The following LINGO2 variants were observed in gnomAD, a reference collection of about 807,000 sequenced individuals.
LINGO2 encodes the protein leucine-rich repeat and immunoglobulin-like domain-containing nogo receptor-interacting protein 2.
LINGO2 carries 14 observed loss-of-function variants against 30.6 expected under a neutral mutation model. The ratio of observed to expected loss-of-function variants is 0.46; its 90% CI spans 0.30 to 0.72. LINGO2 has a LOEUF of 0.72. LINGO2 is among the 30% of genes least tolerant of loss of function. LINGO2 has a pLI of 0.07. For synonymous variants in LINGO2, 317 were observed against 288.5 expected (o/e 1.10, Z -1.00); for missense variants, 729 against 751.7 (o/e 0.97, Z 0.35).
At chr9:28,445,633 T>C (rs1446998293) in intron 2 of LINGO2, among the ~76,000 whole-genome samples, 1 of 152,156 alleles carries the variant, frequency 6.6e-6, no homozygotes, top group African/African-American at 2.4e-5. Flanking sequence ...CCATATGCAA[T>C]TACACTTAAA....
At chr9:28,358,773 T>C (rs1183578693) in intron 3 of LINGO2, among the ~76,000 whole-genome samples, 2 of 152,132 alleles carry the variant, frequency 1.3e-5, no homozygotes, top group Non-Finnish European at 2.9e-5. Flanking sequence ...ATTCTACAGG[T>C]CTTATTGTCA....
intron 1 of LINGO2, among the ~76,000 whole-genome samples, chr9:28,558,129 T>G (rs889178342): frequency 2.7e-5 from 4 of 148,116 alleles, no homozygotes; most frequent in Admixed American, 2.7e-4. Flanking sequence ...ACATGTACCC[T>G]AAAACTTAAA....
At chr9:28,586,971 A>G (rs1043582110) in intron 1 of LINGO2, among the ~76,000 whole-genome samples, 4 of 152,100 alleles carry the variant, frequency 2.6e-5, no homozygotes, top group African/African-American at 9.7e-5. Flanking sequence ...AGCTGAACAT[A>G]ACTTTAACCT....
At chr9:28,002,232 CCAA>C (rs1821994373) in intron 5 of LINGO2, among the ~76,000 whole-genome samples, 1 of 151,530 alleles carries the variant, frequency 6.6e-6, no homozygotes, top group Non-Finnish European at 1.5e-5. Context: ...CCGTCAGTGC[CCAA>C]CAAATTAAAT....
chr9:28,314,282 G>GA (rs1418838133), intron 3 of LINGO2, among the ~76,000 whole-genome samples: 1 of 152,130 alleles, frequency 6.6e-6, no homozygotes, highest in African/African-American at 2.4e-5. Context: ...ATTGTGGCAT[G>GA]AAATACTACA....
intron 1 of LINGO2, among the ~76,000 whole-genome samples, chr9:28,545,551 A>T (rs1587834058): frequency 6.6e-6 from 1 of 152,050 alleles, no homozygotes; most frequent in African/African-American, 2.4e-5. Flanking sequence ...ACAATTAAAG[A>T]ATCAGGGGCT....
chr9:28,734,065 T>C, the LINGO2 span, among the ~76,000 whole-genome samples: 1 of 151,308 alleles, frequency 6.6e-6, no homozygotes, highest in Non-Finnish European at 1.5e-5. Context: ...ATGATTTTTT[T>C]CTCTCTCTCT....
rs75551864 is a variant in LINGO2 at position 28,369,989 on chromosome 9, C to T, written c.-246+2847G>A. ...AATGTGTGGTGCTCAAATCTAAACA[C>T]GACACTTTGAGTGTGAAAATATTAA... On this transcript the variant is annotated intron_variant, in intron 3 of 5. Transcript: ENST00000379992. Among the ~76,000 whole-genome samples, 847 of 152,118 alleles carry T rather than the reference C, an allele frequency of 5.6e-3. 4 individuals are homozygous for T. Among genetic ancestry groups the T allele is most frequent in the East Asian group, 0.013 (65 of 5,184 alleles).
intron 3 of LINGO2, among the ~76,000 whole-genome samples, chr9:28,338,014 C>T (rs1043362794): frequency 1.3e-5 from 2 of 152,098 alleles, no homozygotes; most frequent in South Asian, 4.1e-4. Context: ...AATGGTATAT[C>T]CACTGACAGC....
At chr9:28,797,359 T>TATATATATATATATATATAGAG in the LINGO2 span, among the ~76,000 whole-genome samples, 1 of 34,206 alleles carries the variant, frequency 2.9e-5, no homozygotes, top group Non-Finnish European at 5.4e-5. Context: ...TATATATATA[T>TATATATATATATATATATAGAG]AGAGAGAGAG....
the LINGO2 span, among the ~76,000 whole-genome samples, chr9:28,797,585 T>C: frequency 6.6e-6 from 1 of 151,890 alleles, no homozygotes; most frequent in Non-Finnish European, 1.5e-5. Flanking sequence ...AGGTTAGAAT[T>C]GCCATTAATT....
chr9:28,281,337 G>C (rs1381298189), intron 4 of LINGO2, among the ~76,000 whole-genome samples: 1 of 152,020 alleles, frequency 6.6e-6, no homozygotes, highest in Non-Finnish European at 1.5e-5. Context: ...CATTTCTAAA[G>C]TAATAAAGAG....
chr9:27,977,231 G>A (rs1820643316), intron 5 of LINGO2, among the ~76,000 whole-genome samples: 1 of 151,248 alleles, frequency 6.6e-6, no homozygotes, highest in African/African-American at 2.4e-5. Context: ...ACAGACCACA[G>A]AGATAAAGAC....
intron 4 of LINGO2, among the ~76,000 whole-genome samples, chr9:28,082,979 T>G (rs1042832363): frequency 6.6e-6 from 1 of 152,194 alleles, no homozygotes; most frequent in African/African-American, 2.4e-5. Flanking sequence ...TATACTTTGG[T>G]ACTCCCATAG....
chr9:28,609,461 A>T (rs1563861604), intron 1 of LINGO2, among the ~76,000 whole-genome samples: 1 of 152,010 alleles, frequency 6.6e-6, no homozygotes, highest in East Asian at 1.9e-4. Flanking sequence ...GTATATAGGT[A>T]AGCAATTCAT....
chr9:29,035,246 C>G, the LINGO2 span, among the ~76,000 whole-genome samples: 1 of 151,892 alleles, frequency 6.6e-6, no homozygotes, highest in Admixed American at 6.6e-5. Flanking sequence ...GATGAAGAAA[C>G]TGTAGTCCAG....
the LINGO2 span, among the ~76,000 whole-genome samples, chr9:29,184,364 C>T: frequency 1.3e-5 from 2 of 150,974 alleles, no homozygotes; most frequent in African/African-American, 4.9e-5. Flanking sequence ...ATGTTCTCAA[C>T]ATCATGCTAT....
At chr9:29,037,142 T>A in the LINGO2 span, among the ~76,000 whole-genome samples, 16 of 151,876 alleles carry the variant, frequency 1.1e-4, no homozygotes. Context: ...AATGTTGTTA[T>A]CCTTAAAAGT....
At chr9:28,869,427 G>T in the LINGO2 span, among the ~76,000 whole-genome samples, 1 of 152,038 alleles carries the variant, frequency 6.6e-6, no homozygotes, top group South Asian at 2.1e-4. Flanking sequence ...GTGACCAGAG[G>T]ATGAACAAGG....
Sources: gnomAD v4.1 joint callset for allele counts (sites outside exome capture counted in the v4.1 genomes callset) on GRCh38, gnomAD v4.1.1 for gene constraint, MANE v1.5 for transcripts, NCBI Gene and HGNC (gene_info 2026-07-23, HGNC 2026-07-21) for gene names.